AGR2: variants seen among roughly 807,000 people sequenced by gnomAD.
AGR2 encodes the protein anterior gradient protein 2 homolog.
AGR2 carries 27 observed loss-of-function variants against 25.9 expected under a neutral mutation model. The ratio of observed to expected loss-of-function variants is 1.04; its 90% CI spans 0.77 to 1.44. The LOEUF (loss-of-function observed/expected upper bound fraction) is 1.44. Ranked by LOEUF, AGR2 falls within the 40% of genes most tolerant of loss-of-function variation. The probability of loss-of-function intolerance (pLI) is 0.00; values close to 1 mark genes in which losing one functional copy is unlikely to be tolerated. For missense variants in AGR2, 182 were observed against 200.9 expected (o/e 0.91, Z 0.57); for synonymous variants, 78 against 72.0 (o/e 1.08, Z -0.42).
intron 7 of AGR2, 35 bp from the exon 8 acceptor site, chr7:16,792,992 C>A (rs374150474): frequency 6.3e-7 from 1 of 1,588,320 alleles, no homozygotes; most frequent in South Asian, 1.1e-5. Flanking sequence ...GTCAAGACAC[C>A]ATCGTGCGTT....
intron 5 of AGR2, among the ~76,000 whole-genome samples, chr7:16,797,916 G>A (rs1181098754): frequency 6.6e-6 from 1 of 152,106 alleles, no homozygotes; most frequent in Admixed American, 6.5e-5. Flanking sequence ...GTGATAAAGA[G>A]CAAAAAAATT....
chr7:16,797,068 C>T (rs879658017), intron 6 of AGR2, among the ~76,000 whole-genome samples: 8 of 148,782 alleles, frequency 5.4e-5, no homozygotes, highest in Non-Finnish European at 1.0e-4. Flanking sequence ...ATTACAGGCT[C>T]CTGCAACCAC....
intron 1 of AGR2, among the ~76,000 whole-genome samples, chr7:16,802,735 TAG>T (rs1785169866): frequency 6.6e-6 from 1 of 152,010 alleles, no homozygotes; most frequent in Non-Finnish European, 1.5e-5. Flanking sequence ...TCTATAGATA[TAG>T]AGTTATCTAT....
rs531533829 is a variant in AGR2 at position 16,803,484 on chromosome 7, T to G, written c.-8+1451A>C. ...GGAAGTTTTTCATAATCTAATATCT[T>G]GAGTGGAAACCTTTGCTAAGCATTA... On this transcript the variant is annotated intron_variant, in intron 1 of 7. Coordinates refer to ENST00000419304, the MANE Select transcript of AGR2 (RefSeq NM_006408.4). Among the ~76,000 whole-genome samples, 4 of 152,332 alleles carry G rather than the reference T, an allele frequency of 2.6e-5. No homozygotes were observed. In the South Asian group the frequency reaches 8.3e-4, roughly 32 times the overall value.
intron 5 of AGR2, chr7:16,799,487 C>T: frequency 2.5e-6 from 1 of 407,856 alleles, no homozygotes. Context: ...CAAAAACCTT[C>T]CAGCAACAGA....
chr7:16,792,549 T>A lies in AGR2; in HGVS notation c.*359A>T. Reference sequence around the variant, plus strand: ...AACTTGGTCTTTGGTCTTCATCATTTGAACTAGTTTTGGTTTTGTCTTGTC... The same window carrying A: ...AACTTGGTCTTTGGTCTTCATCATTAGAACTAGTTTTGGTTTTGTCTTGTC... On this transcript the variant is annotated 3_prime_UTR_variant, in exon 8 of 8. Transcript: ENST00000419304. The A allele has an allele frequency of 4.6e-6, 1 of 216,100 alleles. No individual in the cohort carries two copies. The highest frequency in any genetic ancestry group is 9.2e-6 in the Non-Finnish European group (1 of 108,332). 13.4% of individuals were successfully genotyped at this position (216,100 alleles called of 1,614,324 possible).
chr7:16,798,775 G>GT (rs1406805636), intron 5 of AGR2, among the ~76,000 whole-genome samples: 5 of 152,174 alleles, frequency 3.3e-5, no homozygotes, highest in Non-Finnish European at 7.4e-5. Flanking sequence ...CATGCTGTAG[G>GT]TAAGTAGGAG....
At chr7:16,801,426 C>A in intron 2 of AGR2, 43 bp from the exon 3 acceptor site, 12 of 1,578,286 alleles carry the variant, frequency 7.6e-6, no homozygotes, top group Non-Finnish European at 1.0e-5. Flanking sequence ...TGTATAAATT[C>A]AGACCCAAAG....
chr7:16,794,707 A>T, intron 7 of AGR2: 1 of 1,189,352 alleles, frequency 8.4e-7, no homozygotes, highest in Non-Finnish European at 1.1e-6. Flanking sequence ...CTAGAGAAAA[A>T]GATACCTAAT....
At chr7:16,797,727 C>G in intron 5 of AGR2, 33 bp from the exon 6 acceptor site, 1 of 1,591,766 alleles carries the variant, frequency 6.3e-7, no homozygotes, top group Non-Finnish European at 8.6e-7. Context: ...TTTTAGTTTA[C>G]TTTGACTTTT....
chr7:16,798,077 T>G (rs2115355703), intron 5 of AGR2, among the ~76,000 whole-genome samples: 1 of 152,310 alleles, frequency 6.6e-6, no homozygotes, highest in East Asian at 1.9e-4. Context: ...ATTTATCAAT[T>G]TTTATTTAGA....
In AGR2 at chr7:16,792,530, G is replaced by A. The variant is rs1050066994; in HGVS notation, c.*378C>T. On this transcript the variant is annotated 3_prime_UTR_variant, in exon 8 of 8. Coordinates refer to ENST00000419304, the MANE Select transcript of AGR2 (RefSeq NM_006408.4). Reference sequence around the variant, plus strand: ...TGTGGTGTGGTGAGATGATAACTTGGTCTTTGGTCTTCATCATTTGAACTA... The same window carrying A: ...TGTGGTGTGGTGAGATGATAACTTGATCTTTGGTCTTCATCATTTGAACTA... 9 of 203,140 alleles carry A rather than the reference G, an allele frequency of 4.4e-5. No homozygotes were observed. The highest frequency in any genetic ancestry group is 7.0e-5 in the Non-Finnish European group (7 of 100,158). The allele number at this position is 203,140 out of a possible 1,614,324, so 12.6% of individuals were successfully genotyped here.
In AGR2 at chr7:16,792,674, T is replaced by G. The variant is rs1376594298; in HGVS notation, c.*234A>C. 2 of 477,960 alleles carry G rather than the reference T, an allele frequency of 4.2e-6. No homozygotes were observed. Among genetic ancestry groups the G allele is most frequent in the East Asian group, 3.3e-5 (1 of 30,144 alleles). The allele number at this position is 477,960 out of a possible 1,614,324, so 29.6% of individuals were successfully genotyped here. On this transcript the variant is annotated 3_prime_UTR_variant, in exon 8 of 8. Coordinates refer to ENST00000419304, the MANE Select transcript of AGR2 (RefSeq NM_006408.4). ...ACAGAACACCCCCAAAACATTTATT[T>G]TTTTTTTTAGAAAATCATGGCTCAC...
chr7:16,794,405 C>G (rs1460556898), intron 7 of AGR2, among the ~76,000 whole-genome samples: 2 of 152,070 alleles, frequency 1.3e-5, no homozygotes, highest in Non-Finnish European at 2.9e-5. Context: ...ATTGAGGTAC[C>G]TCATCTGCCT....
chr7:16,804,377 T>G (rs1002244444), intron 1 of AGR2, among the ~76,000 whole-genome samples: 1 of 152,024 alleles, frequency 6.6e-6, no homozygotes, highest in Non-Finnish European at 1.5e-5. Flanking sequence ...TTGCAAGACA[T>G]TTTAGTGTCC....
Position 16,795,014 on chromosome 7 carries a change from A to T in AGR2, c.400T>A (p.Ser134Thr), listed in dbSNP as rs753681833. Reference protein sequence around the residue: ...YVPRIMFVDPSLTVRADITGR... With the variant: ...YVPRIMFVDPTLTVRADITGR... ...GTGATATCGGCTCTAACTGTCAGAG[A>T]TGGGTCTGCAAAGATAAATGAAGCA... Residue 134 changes from serine to threonine, a missense_variant, in exon 7 of 8, where the codon TCT becomes ACT. Ser to Thr is a moderately conservative substitution (Grantham distance 58). Coordinates refer to ENST00000419304, the MANE Select transcript of AGR2 (RefSeq NM_006408.4). 1 of 1,614,014 alleles carries T rather than the reference A, an allele frequency of 6.2e-7. No individual in the cohort carries two copies. Among genetic ancestry groups the T allele is most frequent in the Non-Finnish European group, 8.5e-7 (1 of 1,179,956 alleles).
chr7:16,803,469 C>T (rs1394462708), intron 1 of AGR2, among the ~76,000 whole-genome samples: 1 of 152,156 alleles, frequency 6.6e-6, no homozygotes, highest in East Asian at 1.9e-4. Flanking sequence ...GGAAGTTTTT[C>T]ATAATCTAAT....
At position 16,800,508 on chromosome 7, in the gene AGR2, A is replaced by G. The variant is rs116668591; in HGVS notation, c.256+643T>C. Among the ~76,000 whole-genome samples the G allele has an allele frequency of 4.9e-3, 752 of 152,244 alleles. 10 individuals carry two copies. Among genetic ancestry groups the G allele is most frequent in the African/African-American group, 0.017 (723 of 41,532 alleles). On this transcript the variant is annotated intron_variant, in intron 4 of 7. Transcript: ENST00000419304. The stretch of plus-strand genomic sequence containing the variant: ...TCATAGGTTGTGATCAGAAATTTGG[A>G]TTTAGTTCTGTGATAAGAAGCCACT...
chr7:16,794,876 C>T (rs1200885220), intron 7 of AGR2, 60 bp downstream of exon 7: 4 of 1,610,532 alleles, frequency 2.5e-6, no homozygotes, highest in Non-Finnish European at 1.7e-6. Flanking sequence ...CTAGTCCCAT[C>T]ACTACAGCAA....
Sources: allele counts gnomAD v4.1 joint callset (sites outside exome capture counted in the v4.1 genomes callset), GRCh38; gene constraint gnomAD v4.1.1; transcripts MANE v1.5; gene names NCBI Gene and HGNC (gene_info 2026-07-23, HGNC 2026-07-21).